Variants in GRIA4 observed in about 807,000 individuals in gnomAD.
GRIA4 encodes glutamate receptor 4.
GRIA4 carries 34 observed loss-of-function variants against 104.0 expected under a neutral mutation model. The ratio of observed to expected loss-of-function variants is 0.33; its 90% CI spans 0.25 to 0.44. GRIA4 has a LOEUF of 0.44. GRIA4 is among the 20% of genes least tolerant of loss of function. The pLI, the probability that GRIA4 is intolerant of heterozygous loss-of-function variation, is 1.00. For synonymous variants in GRIA4, 386 were observed against 381.9 expected (o/e 1.01, Z -0.13); for missense variants, 750 against 1,096.5 (o/e 0.68, Z 4.46).
chr11:105,918,815 T>C lies in GRIA4; in HGVS notation c.1373T>C (p.Ile458Thr). The C allele has an allele frequency of 6.3e-7, 1 of 1,596,528 alleles. No homozygotes were observed. Among genetic ancestry groups the C allele is most frequent in the Non-Finnish European group, 8.6e-7 (1 of 1,166,816 alleles). The change falls in exon 11 of 17, where the codon ATT becomes ACT. Residue 458 changes from isoleucine (I) to threonine (T), a missense_variant. This residue lies in a region of GRIA4 where 272 missense variants were observed against 524.5 expected (regional missense o/e 0.52). Coordinates refer to ENST00000282499, the MANE Select transcript of GRIA4 (RefSeq NM_000829.4). ...VDLASEIAKHIGIKYKIAIVP... is the reference protein window; with the variant it reads ...VDLASEIAKHTGIKYKIAIVP... ...TTGGCATCTGAAATTGCAAAACATA[T>C]TGGTATCAAGTATAAAATTGCCATT...
chr11:105,822,677 A>C (rs1943619151), intron 4 of GRIA4, among the ~76,000 whole-genome samples: 1 of 152,096 alleles, frequency 6.6e-6, no homozygotes, highest in Admixed American at 6.6e-5. Flanking sequence ...AAGTATGGTG[A>C]ATTGGAGTTT....
At chr11:105,963,278 T>C (rs528405538) in intron 14 of GRIA4, among the ~76,000 whole-genome samples, 1 of 152,296 alleles carries the variant, frequency 6.6e-6, no homozygotes, top group Non-Finnish European at 1.5e-5. Context: ...GTAGAAGTGA[T>C]TCATTCTATA....
intron 3 of GRIA4, among the ~76,000 whole-genome samples, chr11:105,626,577 A>G (rs1429829105): frequency 6.6e-6 from 1 of 152,062 alleles, no homozygotes; most frequent in Non-Finnish European, 1.5e-5. Context: ...GAATCATTTG[A>G]CCCCATGAAT....
intron 4 of GRIA4, among the ~76,000 whole-genome samples, chr11:105,784,987 G>A (rs1941895284): frequency 6.6e-6 from 1 of 152,152 alleles, no homozygotes; most frequent in African/African-American, 2.4e-5. Context: ...GGGAAACACT[G>A]AGGTAGCAAT....
At chr11:105,792,842 G>A (rs1942272622) in intron 4 of GRIA4, among the ~76,000 whole-genome samples, 1 of 152,106 alleles carries the variant, frequency 6.6e-6, no homozygotes, top group South Asian at 2.1e-4. Context: ...GACCCTAAAT[G>A]AGTATTTAAT....
chr11:105,775,369 A>G (rs1941403213), intron 4 of GRIA4, among the ~76,000 whole-genome samples: 1 of 152,226 alleles, frequency 6.6e-6, no homozygotes, highest in Admixed American at 6.5e-5. Flanking sequence ...ACAAAATAGT[A>G]AATATTGACA....
intron 3 of GRIA4, among the ~76,000 whole-genome samples, chr11:105,643,660 A>C (rs1313822410): frequency 6.6e-6 from 1 of 152,142 alleles, no homozygotes; most frequent in Non-Finnish European, 1.5e-5. Flanking sequence ...TTCTTCTAAC[A>C]AAGTGTTAGA....
chr11:105,874,012 A>G (rs995382401), intron 5 of GRIA4, among the ~76,000 whole-genome samples: 1 of 152,092 alleles, frequency 6.6e-6, no homozygotes, highest in Admixed American at 6.6e-5. Context: ...CCTGAATGGT[A>G]TTGCCTAGGT....
chr11:105,961,146 A>G (rs1948736147), intron 14 of GRIA4, among the ~76,000 whole-genome samples: 1 of 152,200 alleles, frequency 6.6e-6, no homozygotes, highest in Admixed American at 6.5e-5. Flanking sequence ...TCGACTATAC[A>G]AAGCATATCT....
intron 3 of GRIA4, among the ~76,000 whole-genome samples, chr11:105,751,795 C>T (rs1018910950): frequency 9.9e-5 from 15 of 152,124 alleles, no homozygotes; most frequent in Non-Finnish European, 1.8e-4. Context: ...TATTAATCAC[C>T]TTCTGTGTCT....
intron 3 of GRIA4, among the ~76,000 whole-genome samples, chr11:105,678,453 G>GAAA (rs1952609903): frequency 6.6e-6 from 1 of 151,954 alleles, no homozygotes; most frequent in Non-Finnish European, 1.5e-5. Flanking sequence ...TTTAATTGGG[G>GAAA]AAGCTAATGC....
intron 4 of GRIA4, among the ~76,000 whole-genome samples, chr11:105,804,206 T>C (rs1223201792): frequency 2.0e-5 from 3 of 151,960 alleles, no homozygotes; most frequent in African/African-American, 7.2e-5. Flanking sequence ...TCATCATAGT[T>C]TTTCTTAGCC....
At chr11:105,960,575 G>T (rs1443491261) in intron 14 of GRIA4, among the ~76,000 whole-genome samples, 4 of 152,180 alleles carry the variant, frequency 2.6e-5, no homozygotes, top group Non-Finnish European at 5.9e-5. Flanking sequence ...TTAGGCAATT[G>T]TGAGTCCCAG....
chr11:105,726,498 T>A (rs577256543), intron 3 of GRIA4, among the ~76,000 whole-genome samples: 79 of 152,274 alleles, frequency 5.2e-4, no homozygotes, highest in Non-Finnish European at 8.4e-4. Context: ...ACCTGCCAGC[T>A]CTGAAGAGAG....
chr11:105,664,459 C>T (rs1290501989), intron 3 of GRIA4, among the ~76,000 whole-genome samples: 1 of 150,454 alleles, frequency 6.6e-6, no homozygotes, highest in Non-Finnish European at 1.5e-5. Flanking sequence ...GATTTATATC[C>T]CAAATCGGGA....
At chr11:105,934,931 A>G (rs1367702610) in intron 14 of GRIA4, among the ~76,000 whole-genome samples, 1 of 152,206 alleles carries the variant, frequency 6.6e-6, no homozygotes, top group East Asian at 1.9e-4. Context: ...GGAAATCAGA[A>G]TCTTTGCCAA....
At chr11:105,836,055 T>A (rs1305793423) in intron 4 of GRIA4, among the ~76,000 whole-genome samples, 7 of 152,124 alleles carry the variant, frequency 4.6e-5, no homozygotes, top group Admixed American at 1.3e-4. Flanking sequence ...AAATTTCAGT[T>A]CAGTAATTGC....
intron 3 of GRIA4, among the ~76,000 whole-genome samples, chr11:105,720,185 C>T (rs945323261): frequency 6.6e-6 from 1 of 151,406 alleles, no homozygotes; most frequent in African/African-American, 2.4e-5. Context: ...TTGTGAATTT[C>T]CTCATAAAAT....
intron 4 of GRIA4, among the ~76,000 whole-genome samples, chr11:105,837,466 G>C (rs1484819052): frequency 6.6e-6 from 1 of 152,142 alleles, no homozygotes; most frequent in Non-Finnish European, 1.5e-5. Flanking sequence ...AAAGAATAAG[G>C]AGCACAGTGT....
Sources: allele counts gnomAD v4.1 joint callset (sites outside exome capture counted in the v4.1 genomes callset), GRCh38; gene constraint gnomAD v4.1.1; regional missense constraint gnomAD v4.1.1; transcripts MANE v1.5; gene names NCBI Gene and HGNC (gene_info 2026-07-23, HGNC 2026-07-21).